The following PAH variants were observed in gnomAD, a reference collection of about 807,000 sequenced individuals.
PAH encodes the protein phenylalanine-4-hydroxylase.
Under a neutral mutation model 62.0 loss-of-function variants are expected in PAH, and 64 were observed. That is an observed-to-expected ratio of 1.03 (90% confidence interval 0.84 to 1.27). PAH has a LOEUF of 1.27. Ranked by LOEUF, PAH falls within the 50% of genes most tolerant of loss-of-function variation. PAH has a pLI of 0.00. For synonymous variants in PAH, 195 were observed against 196.2 expected (o/e 0.99, Z 0.05); for missense variants, 579 against 542.8 (o/e 1.07, Z -0.66).
chr12:102,946,705 G>A (rs370957316), intron 1 of PAH: 1 of 152,250 alleles, frequency 6.6e-6, no homozygotes, highest in South Asian at 2.1e-4. Flanking sequence ...GTCCCTTTCA[G>A]TGATATAAAA....
chr12:102,917,418 T>G (rs1467344056), upstream of PAH: 2 of 450,692 alleles, frequency 4.4e-6, no homozygotes, highest in Non-Finnish European at 8.3e-6. Flanking sequence ...ACCACTTCGC[T>G]GCCCGCCCTG....
At chr12:102,943,787 C>A (rs182891421) in intron 1 of PAH, among the ~76,000 whole-genome samples, 11 of 152,182 alleles carry the variant, frequency 7.2e-5, no homozygotes, top group African/African-American at 1.9e-4. Context: ...AGGCCATTAT[C>A]CTAAGTGAAT....
At chr12:102,900,983 A>G (rs1010447990) in intron 2 of PAH, among the ~76,000 whole-genome samples, 2 of 152,228 alleles carry the variant, frequency 1.3e-5, no homozygotes, top group Non-Finnish European at 2.9e-5. Flanking sequence ...GCAGCATAAA[A>G]CCTTGCTAAT....
At chr12:102,924,359 GT>G (rs140026020) in intron 1 of PAH, among the ~76,000 whole-genome samples, 18,901 of 149,742 alleles carry the variant, frequency 0.13, 1,650 homozygotes, top group African/African-American at 0.25. Flanking sequence ...AGACTGATGG[GT>G]TTTTTTTTTA....
intron 8 of PAH, among the ~76,000 whole-genome samples, chr12:102,848,830 A>G (rs894488731): frequency 1.4e-5 from 2 of 146,948 alleles, no homozygotes; most frequent in South Asian, 4.6e-4. Context: ...TGTAGACACA[A>G]TACCAGGGCA....
chr12:102,881,393 A>G (rs942199447), intron 3 of PAH, among the ~76,000 whole-genome samples: 1 of 152,120 alleles, frequency 6.6e-6, no homozygotes, highest in Non-Finnish European at 1.5e-5. Context: ...AAATGCATAC[A>G]TCATGGTTAC....
intron 2 of PAH, among the ~76,000 whole-genome samples, chr12:102,899,715 C>T (rs865861494): frequency 1.3e-5 from 2 of 149,056 alleles, no homozygotes; most frequent in South Asian, 2.2e-4. Context: ...AAAAATTAGC[C>T]GGGCGTAGTG....
intron 3 of PAH, among the ~76,000 whole-genome samples, chr12:102,885,385 C>A (rs553657014): frequency 6.6e-6 from 1 of 152,302 alleles, no homozygotes; most frequent in South Asian, 2.1e-4. Context: ...AATGGCCTTG[C>A]CAAATACCTC....
chr12:102,860,196 G>T (rs944666866), intron 5 of PAH, among the ~76,000 whole-genome samples: 1 of 152,178 alleles, frequency 6.6e-6, no homozygotes, highest in Non-Finnish European at 1.5e-5. Flanking sequence ...CAGACAAACA[G>T]AGAGCCAAAT....
chr12:102,927,457 A>G (rs927564377), intron 1 of PAH, among the ~76,000 whole-genome samples: 4 of 151,988 alleles, frequency 2.6e-5, no homozygotes, highest in Non-Finnish European at 1.5e-5. Flanking sequence ...ATCAAATATC[A>G]GTATTTCTAA....
At chr12:102,886,405 C>T (rs138864897) in intron 3 of PAH, among the ~76,000 whole-genome samples, 1 of 152,152 alleles carries the variant, frequency 6.6e-6, no homozygotes, top group Non-Finnish European at 1.5e-5. Flanking sequence ...TTTATTCCAA[C>T]CACCCACCTA....
Position 102,852,843 on chromosome 12 carries a change from C to A in PAH, c.814G>T (p.Gly272Ter), listed in dbSNP as rs62514952. 85 of 1,613,926 alleles carry A rather than the reference C, an allele frequency of 5.3e-5. No homozygotes were observed. The highest frequency in any genetic ancestry group is 7.1e-5 in the Non-Finnish European group (84 of 1,180,000). Residue 272 changes from glycine (G) to a stop codon, truncating the protein, a stop_gained, in exon 7 of 13, where the codon GGA becomes TGA. Coordinates refer to ENST00000553106, the MANE Select transcript of PAH (RefSeq NM_000277.3). LOFTEE classifies it high-confidence loss of function. ...TCGGGGGTATACATGGGCTTGGATC[C>A]ATGTCTGATGTACTGTGTGCAGTGG... is the stretch of plus-strand genomic sequence containing the variant. Reference protein sequence around the residue: ...VFHCTQYIRHGSKPMYTPEPD... With the variant: ...VFHCTQYIRH
At chr12:102,877,588 G>A in intron 3 of PAH, 38 bp from the exon 4 acceptor site, 1 of 1,461,140 alleles carries the variant, frequency 6.8e-7, no homozygotes, top group Non-Finnish European at 9.6e-7. Flanking sequence ...AGTACAGATT[G>A]GCAGAACATG....
upstream of PAH, among the ~76,000 whole-genome samples, chr12:102,951,809 T>A (rs1879770700): frequency 1.3e-5 from 2 of 148,754 alleles, no homozygotes; most frequent in African/African-American, 4.9e-5. Context: ...CTTCTTCTCA[T>A]TTGAGTCTGT....
chr12:102,849,162 G>A (rs1252813931), intron 8 of PAH, among the ~76,000 whole-genome samples: 2 of 152,198 alleles, frequency 1.3e-5, no homozygotes, highest in Admixed American at 6.5e-5. Flanking sequence ...TTTGAAGGTA[G>A]AACACACAGG....
intron 4 of PAH, among the ~76,000 whole-genome samples, chr12:102,873,065 C>G (rs1230748645): frequency 3.3e-5 from 5 of 152,180 alleles, no homozygotes; most frequent in African/African-American, 9.7e-5. Flanking sequence ...AAGAAGCCCC[C>G]TCTATTGTAG....
upstream of PAH, chr12:102,917,281 A>C (rs966222835): frequency 1.0e-4 from 72 of 716,660 alleles, 1 homozygote; most frequent in Admixed American, 1.3e-3. Flanking sequence ...ATCTCCGCAC[A>C]GTAACGCCCC....
At chr12:102,920,504 A>C (rs1174924073), upstream of PAH, among the ~76,000 whole-genome samples, 1 of 152,218 alleles carries the variant, frequency 6.6e-6, no homozygotes, top group East Asian at 1.9e-4. Context: ...CAGGTTTATC[A>C]GTTCTTTCTT....
chr12:102,840,354 C>T lies in PAH; in HGVS notation c.1315+46G>A, dbSNP rs564876026. On this transcript the variant is annotated intron_variant, in intron 12 of 12. Transcript: ENST00000553106. ...GGCGATGGTAGGGAAAGACAGTCTT[C>T]GATTACTGAGAAACCGAGTGGCCTC... is the stretch of plus-strand genomic sequence containing the variant. The T allele has an allele frequency of 1.8e-4, 197 of 1,124,098 alleles. 1 individual carries two copies. Among genetic ancestry groups the T allele is most frequent in the East Asian group, 4.9e-4 (21 of 42,590 alleles). The allele number at this position is 1,124,098 out of a possible 1,614,324, so 69.6% of individuals were successfully genotyped here. A position where few individuals can be genotyped will look rare whatever the true frequency, so the allele number is the denominator to read the frequency against.
Sources: gnomAD v4.1 joint callset for allele counts (sites outside exome capture counted in the v4.1 genomes callset) on GRCh38, gnomAD v4.1.1 for gene constraint, MANE v1.5 for transcripts, NCBI Gene and HGNC (gene_info 2026-07-23, HGNC 2026-07-21) for gene names.